The following IL1RAPL1 variants were observed in gnomAD, a reference collection of about 807,000 sequenced individuals.
IL1RAPL1 encodes the protein interleukin-1 receptor accessory protein-like 1.
In IL1RAPL1, 3 loss-of-function variants were observed where a neutral mutation model predicts 48.4. That is an observed-to-expected ratio of 0.06 (90% confidence interval 0.03 to 0.16). The LOEUF (loss-of-function observed/expected upper bound fraction) is 0.16. Among genes scored for constraint, IL1RAPL1 ranks in the 10% least tolerant of loss-of-function variants. The pLI is 1.00. For missense variants in IL1RAPL1, 349 were observed against 530.6 expected (o/e 0.66, Z 3.36); for synonymous variants, 185 against 187.7 (o/e 0.99, Z 0.12).
intron 2 of IL1RAPL1, among the ~76,000 whole-genome samples, chrX:29,196,701 C>A (rs1286086803): frequency 9.1e-6 from 1 of 110,121 alleles, no homozygotes; most frequent in African/African-American, 3.3e-5. Context: ...TAGAACTCTG[C>A]AGGGAACCTC....
intron 2 of IL1RAPL1, among the ~76,000 whole-genome samples, chrX:28,809,447 A>G (rs1936766716): frequency 9.0e-6 from 1 of 110,828 alleles, no homozygotes; most frequent in African/African-American, 3.3e-5. Context: ...TTGACTCTGA[A>G]AAAAGAGCCC....
chrX:29,884,506 C>G (rs775197641), intron 6 of IL1RAPL1, among the ~76,000 whole-genome samples: 8 of 111,103 alleles, frequency 7.2e-5, no homozygotes, highest in South Asian at 3.9e-4. Context: ...CCCCTAGTCT[C>G]CTAATATTGC....
At chrX:28,964,270 G>T (rs890814311) in intron 2 of IL1RAPL1, among the ~76,000 whole-genome samples, 3 of 111,276 alleles carry the variant, frequency 2.7e-5, no homozygotes, top group Non-Finnish European at 5.7e-5. Context: ...TTAACATAAA[G>T]TATCTACGCA....
At chrX:29,709,495 T>G (rs1485744496) in intron 6 of IL1RAPL1, among the ~76,000 whole-genome samples, 2 of 111,298 alleles carry the variant, frequency 1.8e-5, no homozygotes, top group African/African-American at 6.5e-5. Flanking sequence ...TCCTGTTCCA[T>G]TGGTCGATGT....
At chrX:28,592,428 GA>G (rs1055371632) in intron 1 of IL1RAPL1, among the ~76,000 whole-genome samples, 9 of 111,376 alleles carry the variant, frequency 8.1e-5, no homozygotes, top group African/African-American at 2.0e-4. Flanking sequence ...GTGTAATAGA[GA>G]AAATGAGAAT....
rs1932230254 is a variant in IL1RAPL1, at chrX:29,283,196, G to C, written c.341G>C (p.Gly114Ala). The change falls in exon 3 of 11, where the codon GGT (glycine) becomes GCT (alanine). Residue 114 changes from glycine to alanine, a missense_variant. Around this residue, in one of 3 missense-constraint regions of IL1RAPL1, gnomAD observed 238 missense variants for 337.8 expected, o/e 0.70. Transcript: ENST00000378993. ...WFRPTLLQDS[G>A]LYACVIRNST... ...CGGCCAACATTGCTACAGGACAGTG[G>C]TCTCTACGCCTGTGTCATCAGGTAT... 8.3e-7 allele frequency: 1 copy of C among 1,211,357 alleles called. No homozygotes were observed. The highest frequency in any genetic ancestry group is 1.1e-6 in the Non-Finnish European group (1 of 895,178).
chrX:29,865,930 G>A (rs139943904), intron 6 of IL1RAPL1, among the ~76,000 whole-genome samples: 8 of 109,547 alleles, frequency 7.3e-5, no homozygotes, highest in African/African-American at 2.0e-4. Flanking sequence ...GATTACAGGC[G>A]TGAGCCACTG....
chrX:29,247,122 C>T (rs1362503806), intron 2 of IL1RAPL1, among the ~76,000 whole-genome samples: 1 of 111,776 alleles, frequency 8.9e-6, no homozygotes, highest in East Asian at 2.8e-4. Context: ...ATTAGCTTTG[C>T]AAGTTGGTCG....
chrX:29,319,174 CTA>C (rs1932783850), intron 3 of IL1RAPL1, among the ~76,000 whole-genome samples: 1 of 101,573 alleles, frequency 9.8e-6, no homozygotes, highest in Non-Finnish European at 2.0e-5. Flanking sequence ...ATCTATCTAT[CTA>C]TCTATCTATC....
At chrX:29,634,512 C>G (rs1045263217) in intron 5 of IL1RAPL1, among the ~76,000 whole-genome samples, 3 of 110,615 alleles carry the variant, frequency 2.7e-5, no homozygotes, top group African/African-American at 9.9e-5. Flanking sequence ...CCTACCACCC[C>G]TCTATGCTTA....
chrX:28,916,943 G>A (rs190089703), intron 2 of IL1RAPL1, among the ~76,000 whole-genome samples: 105 of 112,175 alleles, frequency 9.4e-4, no homozygotes, highest in African/African-American at 3.1e-3. Context: ...TGTAATGACT[G>A]TGTCTTCAGA....
chrX:29,539,754 A>C (rs1304904472), intron 5 of IL1RAPL1, among the ~76,000 whole-genome samples: 1 of 111,105 alleles, frequency 9.0e-6, no homozygotes, highest in Non-Finnish European at 1.9e-5. Context: ...CCATGATTAT[A>C]AGTTTCCTGA....
intron 5 of IL1RAPL1, among the ~76,000 whole-genome samples, chrX:29,503,092 A>G (rs1287800526): frequency 2.7e-5 from 3 of 111,994 alleles, no homozygotes; most frequent in Admixed American, 1.9e-4. Flanking sequence ...ATGGTTGTTC[A>G]TAATAGTCTC....
chrX:29,315,301 T>C (rs773816124), intron 3 of IL1RAPL1, among the ~76,000 whole-genome samples: 1 of 111,935 alleles, frequency 8.9e-6, no homozygotes, highest in South Asian at 3.8e-4. Context: ...ACAAACGGGA[T>C]AATTCCAACC....
chrX:29,853,167 G>A (rs1931405530), intron 6 of IL1RAPL1, among the ~76,000 whole-genome samples: 1 of 100,825 alleles, frequency 9.9e-6, no homozygotes, highest in South Asian at 5.2e-4. Context: ...TGTAAAAACT[G>A]ATCTGCCAAT....
intron 2 of IL1RAPL1, among the ~76,000 whole-genome samples, chrX:29,009,594 T>C (rs916882931): frequency 6.2e-5 from 7 of 112,027 alleles, no homozygotes; most frequent in African/African-American, 1.9e-4. Context: ...CTGAGTTTTC[T>C]ATTCTGTTCC....
chrX:29,076,911 G>A (rs1927689765), intron 2 of IL1RAPL1, among the ~76,000 whole-genome samples: 1 of 111,324 alleles, frequency 9.0e-6, no homozygotes, highest in Non-Finnish European at 1.9e-5. Context: ...TCTGCTAGTT[G>A]CGTTGTGGAT....
intron 6 of IL1RAPL1, among the ~76,000 whole-genome samples, chrX:29,769,890 C>T (rs1256891999): frequency 9.1e-6 from 1 of 109,670 alleles, no homozygotes; most frequent in Non-Finnish European, 1.9e-5. Context: ...GCTGGGATTA[C>T]AGGCGTGAGA....
intron 6 of IL1RAPL1, among the ~76,000 whole-genome samples, chrX:29,766,762 T>C (rs1177971383): frequency 9.9e-6 from 1 of 100,773 alleles, no homozygotes; most frequent in East Asian, 2.8e-4. Flanking sequence ...ATAAATTATA[T>C]AATGTATTAT....
Sources: allele counts gnomAD v4.1 joint callset (sites outside exome capture counted in the v4.1 genomes callset), GRCh38; gene constraint gnomAD v4.1.1; regional missense constraint gnomAD v4.1.1; transcripts MANE v1.5; gene names NCBI Gene and HGNC (gene_info 2026-07-23, HGNC 2026-07-21).